The following PCDHGB1 variants were observed in gnomAD, a reference collection of about 807,000 sequenced individuals.
PCDHGB1 encodes protocadherin gamma subfamily B, 1.
Under a neutral mutation model 56.6 loss-of-function variants are expected in PCDHGB1, and 34 were observed. That is an observed-to-expected ratio of 0.60 (90% CI 0.46 to 0.80). The LOEUF (loss-of-function observed/expected upper bound fraction) is 0.80, where lower values mean the gene tolerates loss of function less well. Among genes scored for constraint, PCDHGB1 ranks in the 30% least tolerant of loss-of-function variants. The pLI is 0.00. For synonymous variants in PCDHGB1, 561 were observed against 505.9 expected, an observed-to-expected ratio of 1.11 and a Z score of -1.46; for missense variants, 1,278 against 1,204.6, an observed-to-expected ratio of 1.06 and a Z score of -0.90.
Position 141,485,856 on chromosome 5 carries a change from T to C in PCDHGB1, c.2410-8951T>C. ...CCGCCGAGATCTGGCACCGCAGAGC[T>C]CCGGGTATCCGTGCTGGACGTAAAC... is the stretch of plus-strand genomic sequence containing the variant. On this transcript the variant is annotated intron_variant, in intron 1 of 3. Coordinates refer to ENST00000523390, the MANE Select transcript of PCDHGB1 (RefSeq NM_018922.3). The surrounding 1 kb of genome is among the most constrained non-coding windows in gnomAD (Gnocchi z 5.7). 1 of 1,614,108 alleles carries C rather than the reference T, an allele frequency of 6.2e-7. No individual in the cohort carries two copies. The highest frequency in any genetic ancestry group is 8.5e-7 in the Non-Finnish European group (1 of 1,180,014).
chr5:141,432,366 A>T lies in PCDHGB1; in HGVS notation c.2410-62441A>T. The T allele has an allele frequency of 6.2e-7, 1 of 1,614,204 alleles. No homozygotes were observed. Among genetic ancestry groups the T allele is most frequent in the Non-Finnish European group, 8.5e-7 (1 of 1,180,034 alleles). On this transcript the variant is annotated intron_variant, in intron 1 of 3. Coordinates refer to ENST00000523390, the MANE Select transcript of PCDHGB1 (RefSeq NM_018922.3). This position sits in a 1 kb window ranked among gnomAD's most constrained non-coding sequence, Gnocchi z 6.0. Reference sequence around the variant, plus strand: ...TTGCAAGTGAAAGTGATGGCGCGGGACAACGGGCACCCGCCCCTCAGCAGC... The same window carrying T: ...TTGCAAGTGAAAGTGATGGCGCGGGTCAACGGGCACCCGCCCCTCAGCAGC...
At chr5:141,437,032 C>T (rs2097859215) in intron 1 of PCDHGB1, among the ~76,000 whole-genome samples, 1 of 152,182 alleles carries the variant, frequency 6.6e-6, no homozygotes, top group Admixed American at 6.5e-5. Context: ...GAAAATGGAT[C>T]ACCGAAACCA....
intron 1 of PCDHGB1, chr5:141,389,105 T>C (rs1394118929): frequency 1.9e-6 from 3 of 1,614,018 alleles, no homozygotes; most frequent in East Asian, 2.2e-5. Context: ...CAGATGCTGT[T>C]CTAGACCGCG....
chr5:141,393,120 C>T lies in PCDHGB1; in HGVS notation c.2409+40451C>T, dbSNP rs142751758. The T allele has an allele frequency of 9.0e-3, 14,600 of 1,613,382 alleles. 101 individuals carry two copies. The highest frequency in any genetic ancestry group is 0.01 in the Non-Finnish European group (11,861 of 1,179,884). On this transcript the variant is annotated intron_variant, in intron 1 of 3. Transcript: ENST00000523390. ...GCTCTGCGCTCAGAGCCCGCGGTGT[C>T]TGATAAATATTAACACCCTGGTTGA...
At chr5:141,413,990 A>G (rs1179968710) in intron 1 of PCDHGB1, 6 of 1,613,434 alleles carry the variant, frequency 3.7e-6, no homozygotes, top group Admixed American at 1.7e-5. Context: ...ACAGCCACCG[A>G]CAGGGACGAA....
intron 1 of PCDHGB1, chr5:141,427,102 C>T (rs1363595185): frequency 6.6e-6 from 3 of 457,858 alleles, no homozygotes; most frequent in South Asian, 3.1e-5. Flanking sequence ...GGTGTCAATG[C>T]GGAGATCACC....
At chr5:141,395,215 A>G in intron 1 of PCDHGB1, 1 of 1,612,350 alleles carries the variant, frequency 6.2e-7, no homozygotes, top group Middle Eastern at 1.7e-4. Context: ...CATGAATATA[A>G]GAATGAAGCT....
chr5:141,399,009 C>A (rs759328384), intron 1 of PCDHGB1: 1 of 1,613,812 alleles, frequency 6.2e-7, no homozygotes, highest in African/African-American at 1.3e-5. Context: ...ATTCAAAGAG[C>A]GGAGAAATTA....
chr5:141,371,912 C>T (rs1768180129), intron 1 of PCDHGB1: 11 of 1,613,380 alleles, frequency 6.8e-6, no homozygotes, highest in Non-Finnish European at 9.3e-6. Context: ...CCTACGTGTC[C>T]GTGAGCGCGC....
intron 1 of PCDHGB1, chr5:141,362,057 G>T: frequency 6.2e-7 from 1 of 1,611,706 alleles, no homozygotes; most frequent in Non-Finnish European, 8.5e-7. Flanking sequence ...GCCCGCCAGC[G>T]CCTGCTGGTC....
At chr5:141,469,314 C>A (rs982242861) in intron 1 of PCDHGB1, among the ~76,000 whole-genome samples, 1 of 151,982 alleles carries the variant, frequency 6.6e-6, no homozygotes, top group Non-Finnish European at 1.5e-5. Flanking sequence ...CGATGGCTCA[C>A]GCCTGTAATC....
At chr5:141,374,816 C>T (rs771806207) in intron 1 of PCDHGB1, 1 of 1,613,964 alleles carries the variant, frequency 6.2e-7, no homozygotes, top group East Asian at 2.2e-5. Flanking sequence ...GTTTACTCAG[C>T]CTGTCTACCG....
At position 141,351,631 on chromosome 5, in the gene PCDHGB1, G is replaced by A. The variant is rs755698367; in HGVS notation, c.1371G>A (p.Val457=). 1 of 1,614,062 alleles carries A rather than the reference G, an allele frequency of 6.2e-7. No individual in the cohort carries two copies. The highest frequency in any genetic ancestry group is 1.1e-5 in the South Asian group (1 of 91,082). The change falls in exon 1 of 4, where the codon GTG becomes GTA. Residue 457 remains valine, a synonymous_variant. Transcript: ENST00000523390. The part of the protein sequence containing the change: ...VFHQASYVVH[V]SENNPPGASI... ...ATCAGGCCTCCTATGTGGTCCACGT[G>A]TCTGAGAACAACCCACCTGGCGCCT...
chr5:141,362,740 A>G (rs1762658302), intron 1 of PCDHGB1: 1 of 732,538 alleles, frequency 1.4e-6, no homozygotes, highest in Non-Finnish European at 2.2e-6. Flanking sequence ...TTATTTACCC[A>G]TGATTGCAAA....
chr5:141,484,959 C>A, intron 1 of PCDHGB1: 2 of 575,576 alleles, frequency 3.5e-6, no homozygotes, highest in Non-Finnish European at 6.2e-6. Flanking sequence ...ATTGGCTGAG[C>A]CCGGGAGCCG....
intron 1 of PCDHGB1, chr5:141,357,072 C>T (rs745612694): frequency 6.2e-7 from 1 of 1,613,960 alleles, no homozygotes; most frequent in Non-Finnish European, 8.5e-7. Flanking sequence ...TGCACACAGG[C>T]GAGGTGCGCA....
chr5:141,432,630 G>A lies in PCDHGB1; in HGVS notation c.2410-62177G>A, dbSNP rs1278355878. On this transcript the variant is annotated intron_variant, in intron 1 of 3. Coordinates refer to ENST00000523390, the MANE Select transcript of PCDHGB1 (RefSeq NM_018922.3). This position sits in a 1 kb window ranked among gnomAD's most constrained non-coding sequence, Gnocchi z 6.0. ...CTCTTCTCGGTGGGTCTGCACACGG[G>A]CGAGGTGCGCACGGCGCGAGCCCTG... 3.7e-6 allele frequency: 6 copies of A among 1,612,782 alleles called. No homozygotes were observed. Among genetic ancestry groups the A allele is most frequent in the Non-Finnish European group, 5.1e-6 (6 of 1,179,682 alleles).
At position 141,511,032 on chromosome 5, in the gene PCDHGB1, G is replaced by T. The variant is rs779589499; in HGVS notation, c.2643G>T (p.Gln881His). 6.2e-7 allele frequency: 1 copy of T among 1,614,228 alleles called. No individual in the cohort carries two copies. Among genetic ancestry groups the T allele is most frequent in the South Asian group, 1.1e-5 (1 of 91,090 alleles). ...GCTACGGACCCCAGTTCACCCTGCAGCACGTGCCCGACTACCGCCAGAATG... is the reference window on the plus strand; with the variant it reads ...GCTACGGACCCCAGTTCACCCTGCATCACGTGCCCGACTACCGCCAGAATG... ...SARYGPQFTLQHVPDYRQNVY... is the reference protein window; with the variant it reads ...SARYGPQFTLHHVPDYRQNVY... Residue 881 changes from glutamine (Q) to histidine (H), a missense_variant, in exon 4 of 4, where the codon CAG (glutamine) becomes CAT (histidine). Gln to His is a conservative substitution (Grantham distance 24, BLOSUM62 0). Coordinates refer to ENST00000523390, the MANE Select transcript of PCDHGB1 (RefSeq NM_018922.3).
At chr5:141,386,430 G>A (rs1257944903) in intron 1 of PCDHGB1, among the ~76,000 whole-genome samples, 2 of 152,116 alleles carry the variant, frequency 1.3e-5, no homozygotes, top group African/African-American at 4.8e-5. Flanking sequence ...TAGCCCACCT[G>A]CATGGGAGGC....
Sources: gnomAD v4.1 joint callset for allele counts (sites outside exome capture counted in the v4.1 genomes callset) on GRCh38, gnomAD v4.1.1 for gene constraint, Gnocchi (gnomAD v3.1) non-coding constraint, MANE v1.5 for transcripts, NCBI Gene and HGNC (gene_info 2026-07-23, HGNC 2026-07-21) for gene names.